The following GRK3 variants were observed in gnomAD, a reference collection of about 807,000 sequenced individuals.
GRK3 encodes the protein G protein-coupled receptor kinase 3.
In GRK3, 54 loss-of-function variants were observed where a neutral mutation model predicts 95.7. The observed-to-expected ratio is 0.56, with a 90% CI of 0.45 to 0.71. The LOEUF (loss-of-function observed/expected upper bound fraction) is 0.71. Among genes scored for constraint, GRK3 ranks in the 30% least tolerant of loss-of-function variants. The probability of loss-of-function intolerance (pLI) is 0.00; values close to 1 mark genes in which losing one functional copy is unlikely to be tolerated. For synonymous variants in GRK3, 281 were observed against 290.8 expected, an observed-to-expected ratio of 0.97 and a Z score of 0.34; for missense variants, 649 against 851.2, an observed-to-expected ratio of 0.76 and a Z score of 2.96.
intron 13 of GRK3, among the ~76,000 whole-genome samples, chr22:25,698,832 C>T (rs1041809405): frequency 6.6e-6 from 1 of 152,124 alleles, no homozygotes; most frequent in Admixed American, 6.5e-5. Context: ...GCCCTGGAAC[C>T]TGACAGGAGC....
At chr22:25,664,958 T>G (rs1345943599) in intron 5 of GRK3, among the ~76,000 whole-genome samples, 1 of 152,228 alleles carries the variant, frequency 6.6e-6, no homozygotes, top group South Asian at 2.1e-4. Context: ...AGATGGACTT[T>G]CATAAAATGT....
chr22:25,617,517 A>C (rs1366349099), intron 2 of GRK3, among the ~76,000 whole-genome samples: 1 of 152,238 alleles, frequency 6.6e-6, no homozygotes, highest in Non-Finnish European at 1.5e-5. Flanking sequence ...TTACTTTTTA[A>C]AACAATTTAA....
chr22:25,644,748 A>G (rs890179610), intron 3 of GRK3, 83 bp downstream of exon 3: 4 of 642,084 alleles, frequency 6.2e-6, no homozygotes, highest in Non-Finnish European at 1.0e-5. Context: ...ACTACTTAAT[A>G]TCTTACAAAT....
At chr22:25,632,875 A>G (rs571396979) in intron 2 of GRK3, among the ~76,000 whole-genome samples, 1 of 152,174 alleles carries the variant, frequency 6.6e-6, no homozygotes, top group African/African-American at 2.4e-5. Context: ...CCAACAGCAT[A>G]CTGCCTGGAT....
chr22:25,696,077 C>T (rs979487503), intron 13 of GRK3, among the ~76,000 whole-genome samples: 12 of 152,002 alleles, frequency 7.9e-5, no homozygotes, highest in Non-Finnish European at 1.3e-4. Context: ...CTGGGTGATC[C>T]GCCTGCCTTG....
At chr22:25,661,424 A>C in intron 3 of GRK3, 152 bp from the exon 4 acceptor site, 1 of 501,574 alleles carries the variant, frequency 2.0e-6, no homozygotes, top group South Asian at 3.7e-5. Flanking sequence ...CATTATTACA[A>C]CATTAGAAGT....
intron 1 of GRK3, among the ~76,000 whole-genome samples, chr22:25,603,727 C>A (rs764388510): frequency 6.6e-6 from 1 of 152,132 alleles, no homozygotes; most frequent in Non-Finnish European, 1.5e-5. Context: ...TATTAAATTT[C>A]TCTGTTTATC....
intron 6 of GRK3, among the ~76,000 whole-genome samples, 193 bp from the exon 7 acceptor site, chr22:25,672,103 G>A (rs1482096263): frequency 6.6e-6 from 1 of 152,162 alleles, no homozygotes; most frequent in African/African-American, 2.4e-5. Context: ...GAAGAAACAT[G>A]AAATCTTTCA....
intron 2 of GRK3, among the ~76,000 whole-genome samples, chr22:25,606,617 G>T (rs2084450911): frequency 6.6e-6 from 1 of 151,804 alleles, no homozygotes. Context: ...TCATTGTTTT[G>T]CTGGTCCTCT....
intron 2 of GRK3, among the ~76,000 whole-genome samples, chr22:25,605,325 G>A (rs967767864): frequency 2.4e-4 from 36 of 152,232 alleles, no homozygotes; most frequent in Admixed American, 2.0e-3. Flanking sequence ...GGAGTTGGTT[G>A]GGGAACAGAT....
At chr22:25,585,565 GT>G (rs1248341797) in intron 1 of GRK3, among the ~76,000 whole-genome samples, 5 of 152,194 alleles carry the variant, frequency 3.3e-5, no homozygotes, top group Non-Finnish European at 7.4e-5. Context: ...AGAGGCTTTA[GT>G]TTACGTTAAT....
intron 1 of GRK3, among the ~76,000 whole-genome samples, chr22:25,568,957 G>A (rs1170059800): frequency 6.6e-6 from 1 of 152,172 alleles, no homozygotes; most frequent in Non-Finnish European, 1.5e-5. Flanking sequence ...TTCTGTTTGT[G>A]TAGCCACCAC....
intron 1 of GRK3, among the ~76,000 whole-genome samples, chr22:25,593,202 A>G (rs1470782526): frequency 1.3e-5 from 2 of 151,800 alleles, no homozygotes; most frequent in African/African-American, 4.8e-5. Flanking sequence ...TATATTCAGT[A>G]ATAGGATTGC....
intron 15 of GRK3, among the ~76,000 whole-genome samples, chr22:25,707,537 G>C (rs529264441): frequency 1.3e-5 from 2 of 152,320 alleles, no homozygotes; most frequent in South Asian, 4.1e-4. Context: ...TATCAAGTAA[G>C]ACAGGTCCAG....
At chr22:25,568,481 A>G in intron 1 of GRK3, among the ~76,000 whole-genome samples, 1 of 152,230 alleles carries the variant, frequency 6.6e-6, no homozygotes. Flanking sequence ...AAGTATTCAT[A>G]CAATATGATA....
chr22:25,709,600 G>A (rs531703218), intron 15 of GRK3, among the ~76,000 whole-genome samples: 2 of 151,920 alleles, frequency 1.3e-5, no homozygotes, highest in Non-Finnish European at 2.9e-5. Flanking sequence ...GAATTATTGT[G>A]TGTGTGTGTG....
chr22:25,583,357 CTT>C (rs113355685), intron 1 of GRK3, among the ~76,000 whole-genome samples: 2 of 135,556 alleles, frequency 1.5e-5, no homozygotes, highest in Non-Finnish European at 1.6e-5. Context: ...TTTCTGTGTA[CTT>C]TTTTTTTTTT....
chr22:25,695,207 C>T lies in GRK3; in HGVS notation c.1153C>T (p.Leu385=). 1 of 1,613,590 alleles carries T rather than the reference C, an allele frequency of 6.2e-7. No homozygotes were observed. The highest frequency in any genetic ancestry group is 8.5e-7 in the Non-Finnish European group (1 of 1,179,510). Residue 385 remains leucine, a synonymous_variant, in exon 13 of 21, where the codon CTG becomes TTG. Transcript: ENST00000324198. ...FSLGCMLFKL[L]RGHSPFRQHK... is the part of the protein sequence containing the mutation. ...CCTGGGCTGCATGCTTTTCAAACTT[C>T]TGAGAGGGTGAGTTGAAATGCATCC... is the stretch of plus-strand genomic sequence containing the variant.
chr22:25,611,175 C>G (rs2084494599), intron 2 of GRK3, among the ~76,000 whole-genome samples: 1 of 152,198 alleles, frequency 6.6e-6, no homozygotes, highest in Non-Finnish European at 1.5e-5. Flanking sequence ...AGAGCACACT[C>G]ACTTCATTCA....
Sources: allele counts gnomAD v4.1 joint callset (sites outside exome capture counted in the v4.1 genomes callset), GRCh38; gene constraint gnomAD v4.1.1; transcripts MANE v1.5; gene names NCBI Gene and HGNC (gene_info 2026-07-23, HGNC 2026-07-21).